The following RASSF8 variants were observed in gnomAD, a reference collection of about 807,000 sequenced individuals.
The protein encoded by RASSF8 is ras association domain-containing protein 8.
A neutral mutation model predicts 48.5 loss-of-function variants in RASSF8; 22 were observed. That is an observed-to-expected ratio of 0.45 (90% CI 0.32 to 0.65). RASSF8 has a LOEUF of 0.65. Among genes scored for constraint, RASSF8 ranks in the 30% least tolerant of loss-of-function variants. The probability of loss-of-function intolerance (pLI) is 0.03; values close to 1 mark genes in which losing one functional copy is unlikely to be tolerated. For synonymous variants in RASSF8, 127 were observed against 171.5 expected (o/e 0.74, Z 2.03); for missense variants, 418 against 489.2 (o/e 0.85, Z 1.37).
chr12:26,064,919 G>A lies in RASSF8; in HGVS notation c.525G>A (p.Glu175=), dbSNP rs35813320. The change falls in exon 4 of 6, where the codon GAG becomes GAA. Residue 175 remains glutamate, a synonymous_variant. Transcript: ENST00000689635. The part of the protein sequence containing the change: ...ELKKLIRLQT[E]KLQSIEKQLE... ...AGAAGCTAATCCGTCTGCAGACAGA[G>A]AAGCTTCAATCCATTGAGAAACAGC... 2,212 of 1,614,188 alleles carry A rather than the reference G, an allele frequency of 1.4e-3. 28 individuals are homozygous for A. In the African/African-American group the frequency reaches 0.026, roughly 19 times the overall value.
chr12:25,978,301 A>T (rs965380223), intron 1 of RASSF8, among the ~76,000 whole-genome samples: 2 of 152,204 alleles, frequency 1.3e-5, no homozygotes, highest in African/African-American at 4.8e-5. Flanking sequence ...GCCTAAATAT[A>T]ACATCCTTAT....
chr12:25,960,336 G>T (rs1336024473), intron 1 of RASSF8, among the ~76,000 whole-genome samples: 1 of 152,158 alleles, frequency 6.6e-6, no homozygotes, highest in African/African-American at 2.4e-5. Flanking sequence ...TCGACATCCT[G>T]TCCTTTGCCA....
chr12:26,017,467 C>T lies in RASSF8; in HGVS notation c.-109+22337C>T, dbSNP rs187377430. Reference sequence around the variant, plus strand: ...TACTACTAAGGCTGAGATAGAATGCCCAAAGAAGAGGCCCCCTGGGACTGT... The same window carrying T: ...TACTACTAAGGCTGAGATAGAATGCTCAAAGAAGAGGCCCCCTGGGACTGT... On this transcript the variant is annotated intron_variant, in intron 2 of 5. Transcript: ENST00000689635. Among the ~76,000 whole-genome samples, 11 of 152,226 alleles carry T rather than the reference C, an allele frequency of 7.2e-5. No individual in the cohort carries two copies. The East Asian group carries it at 1.9e-3, about 27-fold the overall frequency.
rs1943521292 is a variant in RASSF8 at position 26,052,855 on chromosome 12, T to G, written c.-108-2381T>G. On this transcript the variant is annotated intron_variant, in intron 2 of 5. Transcript: ENST00000689635. ...AATTTCCAATACTATGTTGAATTAATGACTCAATATATGACTAAAAGTTCA... is the reference window on the plus strand; with the variant it reads ...AATTTCCAATACTATGTTGAATTAAGGACTCAATATATGACTAAAAGTTCA... The G allele has an allele frequency of 2.0e-5, 3 of 152,220 alleles. No individual in the cohort carries two copies. In the East Asian group the frequency reaches 5.8e-4, roughly 29 times the overall value. The allele number at this position is 152,220 out of a possible 1,614,324, so 9.4% of individuals were successfully genotyped here. A position where few individuals can be genotyped will look rare whatever the true frequency, so the allele number is the denominator to read the frequency against.
intron 2 of RASSF8, among the ~76,000 whole-genome samples, chr12:26,035,409 T>TCA (rs1428783914): frequency 6.5e-5 from 9 of 138,540 alleles, no homozygotes; most frequent in Non-Finnish European, 1.4e-4. Context: ...AATTATATAA[T>TCA]TATATAAGTA....
At chr12:25,973,262 C>A (rs1158650676) in intron 1 of RASSF8, among the ~76,000 whole-genome samples, 1 of 151,180 alleles carries the variant, frequency 6.6e-6, no homozygotes, top group Non-Finnish European at 1.5e-5. Context: ...TGGGTAGGTT[C>A]ATTTGGCCAG....
At chr12:26,038,608 AACACACACACACACACACACACACAC>A (rs57536643) in intron 2 of RASSF8, among the ~76,000 whole-genome samples, 1 of 144,852 alleles carries the variant, frequency 6.9e-6, no homozygotes, top group Non-Finnish European at 1.5e-5. Flanking sequence ...TTCTTATTAA[AACACACACACACACACACACACACAC>A]ACACACACAC....
chr12:25,971,266 A>T (rs1941477531), intron 1 of RASSF8, among the ~76,000 whole-genome samples: 1 of 152,218 alleles, frequency 6.6e-6, no homozygotes, highest in Admixed American at 6.5e-5. Flanking sequence ...CTGGAAACAC[A>T]TGGCTTCTTA....
At chr12:25,974,316 T>C (rs1941553768) in intron 1 of RASSF8, among the ~76,000 whole-genome samples, 1 of 152,112 alleles carries the variant, frequency 6.6e-6, no homozygotes, top group African/African-American at 2.4e-5. Flanking sequence ...CCACAGCTAA[T>C]CTGCAAAGAG....
chr12:26,001,955 C>A (rs1942268807), intron 2 of RASSF8, among the ~76,000 whole-genome samples: 1 of 152,222 alleles, frequency 6.6e-6, no homozygotes, highest in Non-Finnish European at 1.5e-5. Flanking sequence ...ACACCAGCAT[C>A]AGCACAGACA....
chr12:26,034,255 T>C (rs978051540), intron 2 of RASSF8, among the ~76,000 whole-genome samples: 1 of 152,050 alleles, frequency 6.6e-6, no homozygotes, highest in Non-Finnish European at 1.5e-5. Flanking sequence ...AGGGGAGATG[T>C]GTCAATGTCC....
intron 2 of RASSF8, among the ~76,000 whole-genome samples, chr12:26,050,946 C>A (rs1300238646): frequency 6.6e-6 from 1 of 152,014 alleles, no homozygotes; most frequent in Non-Finnish European, 1.5e-5. Context: ...TTGACAAAAA[C>A]CAGTTTCCAG....
intron 1 of RASSF8, among the ~76,000 whole-genome samples, chr12:25,991,409 CTT>C (rs571185999): frequency 2.2e-4 from 33 of 146,822 alleles, no homozygotes; most frequent in African/African-American, 8.2e-4. Context: ...ACAGACGTAA[CTT>C]TTTTTTTTTT....
intron 3 of RASSF8, among the ~76,000 whole-genome samples, chr12:26,058,895 C>CTT (rs1943676078): frequency 6.6e-6 from 1 of 152,188 alleles, no homozygotes; most frequent in African/African-American, 2.4e-5. Context: ...AAAGTGAAAC[C>CTT]TTAGTTGAAA....
chr12:26,003,456 A>C (rs2136991726), intron 2 of RASSF8, among the ~76,000 whole-genome samples: 1 of 149,694 alleles, frequency 6.7e-6, no homozygotes, highest in East Asian at 2.0e-4. Context: ...GTAAGGTAAG[A>C]ATGCTCATAC....
At position 26,035,864 on chromosome 12, in the gene RASSF8, AAAATTATAT is replaced by A. The variant is rs1943137766; in HGVS notation, c.-108-19370_-108-19362del. 5.6e-5 allele frequency among the ~76,000 whole-genome samples: 8 copies of A among 143,436 alleles called. No individual in the cohort carries two copies. In the South Asian group the frequency reaches 8.9e-4, roughly 16 times the overall value. The allele number at this position is 143,436 out of a possible 152,430, so 94.1% of individuals were successfully genotyped here. A position where few individuals can be genotyped will look rare whatever the true frequency, so the allele number is the denominator to read the frequency against. ...AATTATGTATTATATAAAATATAATAAAATTATATATTATATATTATATATAATTATAAT... is the reference window on the plus strand; with the variant it reads ...AATTATGTATTATATAAAATATAATAATTATATATTATATATAATTATAAT... On this transcript the variant is annotated intron_variant, in intron 2 of 5. Coordinates refer to ENST00000689635, the MANE Select transcript of RASSF8 (RefSeq NM_001394098.1).
chr12:25,971,176 A>G (rs1418844586), intron 1 of RASSF8, among the ~76,000 whole-genome samples: 1 of 152,204 alleles, frequency 6.6e-6, no homozygotes, highest in Non-Finnish European at 1.5e-5. Context: ...GAAGCATTAT[A>G]ACTGATTATG....
rs1943899032 is a variant in RASSF8 at position 26,067,393 on chromosome 12, G to C, written c.994-176G>C. Among the ~76,000 whole-genome samples the C allele has an allele frequency of 3.3e-5, 5 of 152,198 alleles. No individual in the cohort carries two copies. In the South Asian group the frequency reaches 1.0e-3, roughly 32 times the overall value. ...GGCTTATTTCTTGGCCTACACCACA[G>C]AGTGAAAGTGACCTCTTTAGCCCAT... On this transcript the variant is annotated intron_variant, in intron 4 of 5. Coordinates refer to ENST00000689635, the MANE Select transcript of RASSF8 (RefSeq NM_001394098.1).
chr12:26,008,994 TC>T (rs1385130896), intron 2 of RASSF8, among the ~76,000 whole-genome samples: 2 of 152,154 alleles, frequency 1.3e-5, no homozygotes, highest in Non-Finnish European at 2.9e-5. Context: ...TCTTTTGACT[TC>T]CAGATCAGTC....
Sources: allele counts gnomAD v4.1 joint callset (sites outside exome capture counted in the v4.1 genomes callset), GRCh38; gene constraint gnomAD v4.1.1; transcripts MANE v1.5; gene names NCBI Gene and HGNC (gene_info 2026-07-23, HGNC 2026-07-21).